The following TMEM74 variants were observed in gnomAD, a reference collection of about 807,000 sequenced individuals.
TMEM74 encodes transmembrane protein 74.
Under a neutral mutation model 18.1 loss-of-function variants are expected in TMEM74, and 13 were observed. The ratio of observed to expected loss-of-function variants is 0.72; its 90% CI spans 0.47 to 1.14. The LOEUF (loss-of-function observed/expected upper bound fraction) is 1.14, where lower values mean the gene tolerates loss of function less well. Among genes scored for constraint, TMEM74 ranks in the 50% most tolerant of loss-of-function variants. The probability of loss-of-function intolerance (pLI) is 0.00; values close to 1 mark genes in which losing one functional copy is unlikely to be tolerated. For missense variants in TMEM74, 372 were observed against 375.9 expected, an observed-to-expected ratio of 0.99 and a Z score of 0.09; for synonymous variants, 159 against 146.6, an observed-to-expected ratio of 1.08 and a Z score of -0.61.
intron 1 of TMEM74, among the ~76,000 whole-genome samples, chr8:108,738,441 T>G (rs1451059866): frequency 6.6e-6 from 1 of 152,190 alleles, no homozygotes; most frequent in Admixed American, 6.5e-5. Flanking sequence ...GAAAGTTCAT[T>G]TCATTTGGGG....
chr8:108,753,011 C>G (rs1426210548), intron 1 of TMEM74, among the ~76,000 whole-genome samples: 2 of 152,046 alleles, frequency 1.3e-5, no homozygotes, highest in Admixed American at 1.3e-4. Flanking sequence ...ATACTTTTGT[C>G]ACATCCTTCT....
chr8:108,625,297 T>C (rs1363105143), intron 2 of TMEM74, among the ~76,000 whole-genome samples: 1 of 152,070 alleles, frequency 6.6e-6, no homozygotes, highest in Non-Finnish European at 1.5e-5. Context: ...AGTTTTTCAA[T>C]TCTGCATTTT....
At chr8:108,667,083 G>A (rs1392750722) in intron 1 of TMEM74, among the ~76,000 whole-genome samples, 1 of 152,122 alleles carries the variant, frequency 6.6e-6, no homozygotes, top group African/African-American at 2.4e-5. Context: ...AACATAGATT[G>A]ATTTGTGTGT....
chr8:108,682,286 A>C (rs369487387), intron 1 of TMEM74, among the ~76,000 whole-genome samples: 1 of 151,930 alleles, frequency 6.6e-6, no homozygotes, highest in African/African-American at 2.4e-5. Flanking sequence ...CTTCACCCCC[A>C]CTATGCTGCC....
rs59444318 is a variant in TMEM74, at chr8:108,756,732, AAG to A, written n.119+30742_119+30743del. Among the ~76,000 whole-genome samples the A allele has an allele frequency of 1.8e-3, 209 of 118,352 alleles. 3 individuals are homozygous for A. The highest frequency in any genetic ancestry group is 4.8e-3 in the Middle Eastern group (1 of 208). The allele number at this position is 118,352 out of a possible 152,430, so 77.6% of individuals were successfully genotyped here. A position where few individuals can be genotyped will look rare whatever the true frequency, so the allele number is the denominator to read the frequency against. ...AGAAAGAAAGAAAGAGAAAGAAAGA[AAG>A]AGAAAGAAAGAAGGGAGGGAGGGAG... On this transcript the variant is annotated intron_variant and non_coding_transcript_variant, in intron 1 of 3. Coordinates refer to the TMEM74 transcript ENST00000518838.
At chr8:108,688,442 C>G (rs1813193699) in intron 1 of TMEM74, among the ~76,000 whole-genome samples, 1 of 152,212 alleles carries the variant, frequency 6.6e-6, no homozygotes, top group Admixed American at 6.5e-5. Context: ...TACTCCCAGG[C>G]AGCTAGGGGA....
intron 1 of TMEM74, among the ~76,000 whole-genome samples, chr8:108,735,420 G>GA (rs34893869): frequency 0.72 from 109,835 of 151,996 alleles, 40,942 homozygotes; most frequent in African/African-American, 0.91. Flanking sequence ...TGTATCTACA[G>GA]TTTCTCTATT....
chr8:108,635,977 T>C (rs550726592), intron 2 of TMEM74, among the ~76,000 whole-genome samples: 1 of 152,112 alleles, frequency 6.6e-6, no homozygotes, highest in Non-Finnish European at 1.5e-5. Flanking sequence ...TACTACAATT[T>C]GTTTTTAAGC....
At chr8:108,687,372 G>A (rs555327716) in intron 1 of TMEM74, among the ~76,000 whole-genome samples, 3 of 138,698 alleles carry the variant, frequency 2.2e-5, no homozygotes, top group African/African-American at 5.5e-5. Flanking sequence ...GAGAATTTGC[G>A]GCAAACACAA....
chr8:108,632,990 G>A (rs1367876849), intron 2 of TMEM74, among the ~76,000 whole-genome samples: 1 of 151,944 alleles, frequency 6.6e-6, no homozygotes, highest in Non-Finnish European at 1.5e-5. Context: ...TTCCGTACTG[G>A]GAAGAAGAGT....
chr8:108,648,777 A>G (rs1812745273), intron 2 of TMEM74, among the ~76,000 whole-genome samples: 1 of 152,138 alleles, frequency 6.6e-6, no homozygotes, highest in Non-Finnish European at 1.5e-5. Context: ...GAGAAGGAAT[A>G]CAGTCCTGTG....
chr8:108,744,932 C>T (rs1813834960), intron 1 of TMEM74, among the ~76,000 whole-genome samples: 1 of 152,266 alleles, frequency 6.6e-6, no homozygotes, highest in Admixed American at 6.5e-5. Flanking sequence ...TGTTGCATGA[C>T]TCAGCCTCCC....
intron 1 of TMEM74, among the ~76,000 whole-genome samples, chr8:108,760,547 C>T (rs1482885754): frequency 6.6e-6 from 1 of 151,952 alleles, no homozygotes; most frequent in East Asian, 1.9e-4. Flanking sequence ...TGTTCTTGCT[C>T]TGACTGCAAC....
At chr8:108,688,436 C>T (rs940479843) in intron 1 of TMEM74, among the ~76,000 whole-genome samples, 1 of 152,170 alleles carries the variant, frequency 6.6e-6, no homozygotes, top group South Asian at 2.1e-4. Context: ...CAATCATACT[C>T]CCAGGCAGCT....
At chr8:108,721,339 T>C (rs1438370033) in intron 1 of TMEM74, among the ~76,000 whole-genome samples, 2 of 152,228 alleles carry the variant, frequency 1.3e-5, no homozygotes, top group Non-Finnish European at 2.9e-5. Context: ...CTAGCATAGA[T>C]TTATACTAGA....
In TMEM74 at chr8:108,642,112, GTTCA is replaced by G. The variant is rs1377233436; in HGVS notation, n.264+13177_264+13180del. Reference sequence around the variant, plus strand: ...AAAACAGATTTAGGAAAATATATGTGTTCAGGCCAGGCGCCGTGGCTCATGCCTG... The same window carrying G: ...AAAACAGATTTAGGAAAATATATGTGGGCCAGGCGCCGTGGCTCATGCCTG... On this transcript the variant is annotated intron_variant and non_coding_transcript_variant, in intron 2 of 3. Transcript: ENST00000518838. 1.1e-4 allele frequency among the ~76,000 whole-genome samples: 17 copies of G among 151,540 alleles called. No homozygotes were observed. In the South Asian group the frequency reaches 3.5e-3, roughly 32 times the overall value.
At chr8:108,608,107 G>T (rs1812296265) in intron 3 of TMEM74, among the ~76,000 whole-genome samples, 2 of 151,962 alleles carry the variant, frequency 1.3e-5, no homozygotes, top group African/African-American at 4.8e-5. Context: ...TTCGAGACCA[G>T]CCTGACCAAC....
At chr8:108,715,053 G>T (rs901853884) in intron 1 of TMEM74, among the ~76,000 whole-genome samples, 1 of 151,594 alleles carries the variant, frequency 6.6e-6, no homozygotes, top group Admixed American at 6.6e-5. Flanking sequence ...TTTCTTTTTT[G>T]TCAAAAGCTA....
intron 1 of TMEM74, among the ~76,000 whole-genome samples, chr8:108,674,240 A>G (rs889095913): frequency 3.9e-5 from 6 of 152,192 alleles, no homozygotes; most frequent in African/African-American, 1.4e-4. Context: ...TATACCCAAC[A>G]TTAAACATAG....
Sources: allele counts gnomAD v4.1 joint callset (sites outside exome capture counted in the v4.1 genomes callset), GRCh38; gene constraint gnomAD v4.1.1; transcripts MANE v1.5; gene names NCBI Gene and HGNC (gene_info 2026-07-23, HGNC 2026-07-21).